Variants in BTRC observed in about 807,000 individuals in gnomAD.
BTRC encodes the protein F-box/WD repeat-containing protein 1A.
A neutral mutation model predicts 85.5 loss-of-function variants in BTRC; 42 were observed. The observed-to-expected ratio is 0.49, with a 90% confidence interval of 0.38 to 0.64. BTRC has a LOEUF of 0.64. Among genes scored for constraint, BTRC ranks in the 30% least tolerant of loss-of-function variants. The pLI, the probability that BTRC is intolerant of heterozygous loss-of-function variation, is 0.00. For synonymous variants in BTRC, 255 were observed against 263.3 expected (o/e 0.97, Z 0.30); for missense variants, 594 against 743.5 (o/e 0.80, Z 2.34).
chr10:101,390,596 C>T (rs1286975552), intron 1 of BTRC, among the ~76,000 whole-genome samples: 2 of 151,778 alleles, frequency 1.3e-5, no homozygotes, highest in South Asian at 2.1e-4. Flanking sequence ...TCTCCCAAAG[C>T]GCTAGGATTA....
intron 2 of BTRC, among the ~76,000 whole-genome samples, chr10:101,459,548 G>T (rs1288543758): frequency 6.6e-6 from 1 of 152,030 alleles, no homozygotes; most frequent in African/African-American, 2.4e-5. Context: ...TAAAAGTGTT[G>T]GGTTAATCTG....
At chr10:101,498,056 A>G (rs932485402) in intron 4 of BTRC, among the ~76,000 whole-genome samples, 5 of 152,070 alleles carry the variant, frequency 3.3e-5, no homozygotes, top group Non-Finnish European at 7.4e-5. Flanking sequence ...ATATATATTG[A>G]CATATACAGA....
At chr10:101,354,658 G>A (rs112299503) in intron 1 of BTRC, 3 of 219,218 alleles carry the variant, frequency 1.4e-5, no homozygotes, top group Admixed American at 5.9e-5. Context: ...AGGGAGCGCG[G>A]GATAGAGTGA....
At chr10:101,368,464 CTTTTTTTTT>C (rs60190021) in intron 1 of BTRC, among the ~76,000 whole-genome samples, 11 of 75,342 alleles carry the variant, frequency 1.5e-4, no homozygotes, top group South Asian at 6.0e-4. Context: ...AACTGTTTTT[CTTTTTTTTT>C]TTTTTTTTTT....
In BTRC at chr10:101,478,250, G is replaced by A. The variant is rs550638517; in HGVS notation, c.235-1118G>A. On this transcript the variant is annotated intron_variant, in intron 3 of 14. Coordinates refer to ENST00000370187, the MANE Select transcript of BTRC (RefSeq NM_033637.4). Reference sequence around the variant, plus strand: ...TGGGAGGCGGAGGTTGTAGTGAGCCGAGATTGTGCCACTGCACTCCAGCCT... The same window carrying A: ...TGGGAGGCGGAGGTTGTAGTGAGCCAAGATTGTGCCACTGCACTCCAGCCT... Among the ~76,000 whole-genome samples the A allele has an allele frequency of 2.4e-4, 36 of 151,188 alleles. 2 individuals carry two copies. The South Asian group carries it at 6.9e-3, about 29-fold the overall frequency.
chr10:101,527,533 G>A (rs1324948947), intron 6 of BTRC, among the ~76,000 whole-genome samples: 4 of 152,140 alleles, frequency 2.6e-5, no homozygotes, highest in South Asian at 2.1e-4. Flanking sequence ...CAAGAGGATC[G>A]TTTGAGCCCA....
intron 4 of BTRC, among the ~76,000 whole-genome samples, chr10:101,505,635 A>T (rs368305453): frequency 0.15 from 21,908 of 146,288 alleles, 2,004 homozygotes; most frequent in Middle Eastern, 0.26. Flanking sequence ...AATAAAAAAA[A>T]AAAAATAATA....
intron 13 of BTRC, 58 bp from the exon 14 acceptor site, chr10:101,550,641 G>GTGTCCTAT: frequency 1.3e-6 from 2 of 1,540,868 alleles, no homozygotes; most frequent in South Asian, 2.3e-5. Flanking sequence ...TGCTGAATTT[G>GTGTCCTAT]TGTCCTATTG....
Position 101,370,477 on chromosome 10 carries a change from G to A in BTRC, c.48+16249G>A, listed in dbSNP as rs1353724289. Among the ~76,000 whole-genome samples, 40 of 152,180 alleles carry A rather than the reference G, an allele frequency of 2.6e-4. 1 individual carries two copies. The highest frequency in any genetic ancestry group is 2.6e-3 in the Admixed American group (40 of 15,276). ...TAAGACCTCTGCTGATCCTGCAGAT[G>A]TCTGTTTTGCCTGGCCCTGACAAAA... is the stretch of plus-strand genomic sequence containing the variant. On this transcript the variant is annotated intron_variant, in intron 1 of 14. Coordinates refer to ENST00000370187, the MANE Select transcript of BTRC (RefSeq NM_033637.4).
Position 101,366,994 on chromosome 10 carries a change from TAATATATA to T in BTRC, c.48+12767_48+12774del, listed in dbSNP as rs1466952619. On this transcript the variant is annotated intron_variant, in intron 1 of 14. Coordinates refer to ENST00000370187, the MANE Select transcript of BTRC (RefSeq NM_033637.4). ...TATATATTTATATATTTATATATAT[TAATATATA>T]TATTTATATATATATTTATATTTAT... Among the ~76,000 whole-genome samples, 5 of 51,686 alleles carry T rather than the reference TAATATATA, an allele frequency of 9.7e-5. 2 individuals carry two copies. The highest frequency in any genetic ancestry group is 3.8e-4 in the African/African-American group (5 of 13,150). The allele number at this position is 51,686 out of a possible 152,430, so 33.9% of individuals were successfully genotyped here.
chr10:101,473,284 TA>T (rs1399769303), intron 3 of BTRC, among the ~76,000 whole-genome samples: 1 of 151,518 alleles, frequency 6.6e-6, no homozygotes. Context: ...GCCTCTCCAG[TA>T]AATTTTTTGA....
intron 4 of BTRC, among the ~76,000 whole-genome samples, chr10:101,511,509 G>T (rs1310769800): frequency 6.6e-6 from 1 of 151,930 alleles, no homozygotes; most frequent in Non-Finnish European, 1.5e-5. Flanking sequence ...CCACATGTGC[G>T]CACCACCATG....
At position 101,411,602 on chromosome 10, in the gene BTRC, A is replaced by T. The variant is rs565451959; in HGVS notation, c.49-18743A>T. Among the ~76,000 whole-genome samples, 19 of 152,238 alleles carry T rather than the reference A, an allele frequency of 1.2e-4. No individual in the cohort carries two copies. In the East Asian group the frequency reaches 3.5e-3, roughly 28 times the overall value. ...ATTTCATGAAATTATCATTTCAAAC[A>T]TTGTATTTTTCATTCTGGAACTTTT... On this transcript the variant is annotated intron_variant, in intron 1 of 14. Transcript: ENST00000370187.
At chr10:101,474,948 T>C (rs1945637430) in intron 3 of BTRC, among the ~76,000 whole-genome samples, 1 of 152,214 alleles carries the variant, frequency 6.6e-6, no homozygotes, top group African/African-American at 2.4e-5. Flanking sequence ...AGCGGAACTC[T>C]TTGAGTCAAG....
chr10:101,355,479 A>G (rs934903417), intron 1 of BTRC, among the ~76,000 whole-genome samples: 66 of 152,146 alleles, frequency 4.3e-4, no homozygotes, highest in African/African-American at 1.5e-3. Context: ...TGCTTTTTGT[A>G]TTTCCTAGGT....
chr10:101,414,323 A>G (rs1481304191), intron 1 of BTRC, among the ~76,000 whole-genome samples: 1 of 152,200 alleles, frequency 6.6e-6, no homozygotes, highest in Admixed American at 6.5e-5. Context: ...ACCTAGTGAC[A>G]TTGTAGCCAA....
At chr10:101,408,921 C>T (rs1395727512) in intron 1 of BTRC, among the ~76,000 whole-genome samples, 1 of 151,770 alleles carries the variant, frequency 6.6e-6, no homozygotes, top group African/African-American at 2.4e-5. Flanking sequence ...TGGTGGTGGG[C>T]GCATGAAAGC....
chr10:101,407,136 T>C (rs549784543), intron 1 of BTRC, among the ~76,000 whole-genome samples: 1 of 152,190 alleles, frequency 6.6e-6, no homozygotes, highest in East Asian at 1.9e-4. Context: ...GGTGGGAGGA[T>C]CAGTTGAGGC....
intron 3 of BTRC, among the ~76,000 whole-genome samples, chr10:101,471,188 A>G (rs374771148): frequency 1.9e-4 from 29 of 152,268 alleles, no homozygotes; most frequent in African/African-American, 6.3e-4. Flanking sequence ...TCACATTTCT[A>G]TATAAATTTT....
Sources: allele counts gnomAD v4.1 joint callset (sites outside exome capture counted in the v4.1 genomes callset), GRCh38; gene constraint gnomAD v4.1.1; transcripts MANE v1.5; gene names NCBI Gene and HGNC (gene_info 2026-07-23, HGNC 2026-07-21).